Variants in INTS3 observed in about 807,000 individuals in gnomAD.
INTS3 encodes the protein SOSS complex subunit A.
Under a neutral mutation model 146.3 loss-of-function variants are expected in INTS3, and 34 were observed. That is an observed-to-expected ratio of 0.23 (90% confidence interval 0.18 to 0.31). INTS3 has a LOEUF of 0.31. Ranked by LOEUF, INTS3 falls within the 10% of genes least tolerant of loss-of-function variation. The pLI is 1.00. For synonymous variants in INTS3, 475 were observed against 494.9 expected, an observed-to-expected ratio of 0.96 and a Z score of 0.53; for missense variants, 757 against 1,304.2, an observed-to-expected ratio of 0.58 and a Z score of 6.46.
At chr1:153,759,720 G>A in intron 11 of INTS3, 107 bp downstream of exon 11, 1 of 730,608 alleles carries the variant, frequency 1.4e-6, no homozygotes, top group Non-Finnish European at 2.4e-6. Flanking sequence ...AGTGGAGGCA[G>A]TTTATCTGGG....
At chr1:153,751,018 C>T in intron 6 of INTS3, 77 bp from the exon 7 acceptor site, 1 of 1,472,086 alleles carries the variant, frequency 6.8e-7, no homozygotes, top group Non-Finnish European at 9.3e-7. Context: ...GCACTGTAGC[C>T]AAGCCCAAGA....
In INTS3 at chr1:153,772,676, T is replaced by C. The variant is rs370436284; in HGVS notation, c.2859T>C (p.His953=). The change falls in exon 28 of 30, where the codon CAT becomes CAC. Residue 953 remains histidine (H), a synonymous_variant. Coordinates refer to ENST00000318967, the MANE Select transcript of INTS3 (RefSeq NM_023015.5). The surrounding 1 kb of genome is among the most constrained non-coding windows in gnomAD (Gnocchi z 4.6). ...CGCCAATTCTCCAGGCGCTGCAGCATGTCCAAGCGAGCTGTGACGAAGCCC... is the reference window on the plus strand; with the variant it reads ...CGCCAATTCTCCAGGCGCTGCAGCACGTCCAAGCGAGCTGTGACGAAGCCC... The part of the protein sequence containing the change: ...SQTPILQALQ[H]VQASCDEAHK... The C allele has an allele frequency of 1.9e-6, 3 of 1,614,214 alleles. No individual in the cohort carries two copies. The highest frequency in any genetic ancestry group is 2.2e-5 in the East Asian group (1 of 44,882).
intron 3 of INTS3, among the ~76,000 whole-genome samples, chr1:153,743,258 A>C (rs899470965): frequency 2.0e-5 from 3 of 152,210 alleles, no homozygotes; most frequent in Admixed American, 6.5e-5. Flanking sequence ...CTGTTTTCTA[A>C]GGATTTGTAT....
chr1:153,741,417 G>A lies in INTS3; in HGVS notation c.318+49G>A, dbSNP rs541853297. 8 of 1,326,400 alleles carry A rather than the reference G, an allele frequency of 6.0e-6. No homozygotes were observed. The East Asian group carries it at 1.6e-4, about 27-fold the overall frequency. 82.2% of individuals were successfully genotyped at this position (1,326,400 alleles called of 1,614,324 possible). Reference sequence around the variant, plus strand: ...ATAAACCCTCCTCATATATGATCTGGGATATGGTGGAACTTACAGTTTAAC... The same window carrying A: ...ATAAACCCTCCTCATATATGATCTGAGATATGGTGGAACTTACAGTTTAAC... On this transcript the variant is annotated intron_variant, in intron 3 of 29. Transcript: ENST00000318967.
In INTS3 at chr1:153,750,994, C is replaced by T. The variant is rs16835535; in HGVS notation, c.585-101C>T. 7,176 of 1,207,114 alleles carry T rather than the reference C, an allele frequency of 5.9e-3. 355 individuals are homozygous for T. The African/African-American group carries it at 0.099, about 17-fold the overall frequency. The allele number at this position is 1,207,114 out of a possible 1,614,324, so 74.8% of individuals were successfully genotyped here. ...GCATCTACTCCCAGTGTCAAATCATCAATTATTTCTGAGGCACTGTAGCCA... is the reference window on the plus strand; with the variant it reads ...GCATCTACTCCCAGTGTCAAATCATTAATTATTTCTGAGGCACTGTAGCCA... On this transcript the variant is annotated intron_variant, in intron 6 of 29. Coordinates refer to ENST00000318967, the MANE Select transcript of INTS3 (RefSeq NM_023015.5).
chr1:153,745,863 G>T (rs1204001480), intron 3 of INTS3, among the ~76,000 whole-genome samples: 1 of 152,160 alleles, frequency 6.6e-6, no homozygotes, highest in African/African-American at 2.4e-5. Context: ...TCCAGCTACT[G>T]AGGAGGCCGA....
chr1:153,754,569 G>T (rs1672090806), intron 8 of INTS3, 73 bp from the exon 9 acceptor site: 1 of 1,062,012 alleles, frequency 9.4e-7, no homozygotes, highest in Non-Finnish European at 1.5e-6. Context: ...CCTGGCCCAG[G>T]TTCCCAACAT....
chr1:153,736,376 C>T (rs868119619), intron 1 of INTS3, among the ~76,000 whole-genome samples: 5 of 152,110 alleles, frequency 3.3e-5, no homozygotes, highest in Non-Finnish European at 5.9e-5. Context: ...CTCTGTGCCA[C>T]CTTATGCTCT....
rs770899900 is a variant in INTS3 at position 153,751,250 on chromosome 1, A to G, written c.729+11A>G. ...CTGCTTCGGGAACGGGTGAGGGAAC[A>G]GGACAAAAATAATGTGGGGAAGTGA... On this transcript the variant is annotated intron_variant, in intron 7 of 29. Coordinates refer to ENST00000318967, the MANE Select transcript of INTS3 (RefSeq NM_023015.5). 1 of 1,613,850 alleles carries G rather than the reference A, an allele frequency of 6.2e-7. No homozygotes were observed. Among genetic ancestry groups the G allele is most frequent in the South Asian group, 1.1e-5 (1 of 91,068 alleles).
chr1:153,760,651 G>T, intron 12 of INTS3, 176 bp from the exon 13 acceptor site: 1 of 642,820 alleles, frequency 1.6e-6, no homozygotes, highest in East Asian at 2.7e-5. Flanking sequence ...GAGCAGCCAG[G>T]TCCAGTAAGA....
At chr1:153,734,243 G>A (rs926990688) in intron 1 of INTS3, among the ~76,000 whole-genome samples, 1 of 152,178 alleles carries the variant, frequency 6.6e-6, no homozygotes, top group African/African-American at 2.4e-5. Flanking sequence ...AAGAGACTCT[G>A]GAGACTAGGG....
At chr1:153,746,735 C>A in intron 3 of INTS3, 2 of 514,780 alleles carry the variant, frequency 3.9e-6, no homozygotes, top group Non-Finnish European at 6.9e-6. Flanking sequence ...TAAAGGATAA[C>A]CAGTACCTTT....
chr1:153,751,686 A>C (rs1161197638), intron 7 of INTS3, among the ~76,000 whole-genome samples: 3 of 152,130 alleles, frequency 2.0e-5, no homozygotes, highest in African/African-American at 7.2e-5. Context: ...GCTGATCTCA[A>C]ACTCCTGGCC....
At chr1:153,758,702 G>A (rs1206710865) in intron 10 of INTS3, among the ~76,000 whole-genome samples, 1 of 151,816 alleles carries the variant, frequency 6.6e-6, no homozygotes, top group African/African-American at 2.4e-5. Context: ...CCAGGCTGAG[G>A]TGAGAGGACC....
In INTS3 at chr1:153,763,906, C is replaced by T. The variant is rs566472214; in HGVS notation, c.1821+20C>T. ...CTGGAGGTGAGGAGGAACCCAATCC[C>T]TTAGGGAGGAAGCAGCCTAGCCTGC... On this transcript the variant is annotated intron_variant, in intron 17 of 29. Coordinates refer to ENST00000318967, the MANE Select transcript of INTS3 (RefSeq NM_023015.5). 3 of 1,611,086 alleles carry T rather than the reference C, an allele frequency of 1.9e-6. No individual in the cohort carries two copies. The African/African-American group carries it at 4.0e-5, about 21-fold the overall frequency.
chr1:153,738,636 A>G (rs1269953169), intron 1 of INTS3, among the ~76,000 whole-genome samples: 2 of 152,194 alleles, frequency 1.3e-5, no homozygotes, highest in Non-Finnish European at 2.9e-5. Flanking sequence ...AGTGATTATT[A>G]TATTCCTTTT....
intron 2 of INTS3, 86 bp downstream of exon 2, chr1:153,740,820 G>T: frequency 1.9e-6 from 2 of 1,063,344 alleles, no homozygotes; most frequent in Non-Finnish European, 2.9e-6. Flanking sequence ...CTAAGTGGTT[G>T]GGGGTAGGGG....
chr1:153,747,505 C>A (rs919625078), intron 5 of INTS3, 142 bp downstream of exon 5: 4 of 678,494 alleles, frequency 5.9e-6, no homozygotes, highest in Middle Eastern at 3.2e-4. Flanking sequence ...CATCTTCTGG[C>A]CACATATGTT....
intron 3 of INTS3, among the ~76,000 whole-genome samples, chr1:153,743,521 A>G (rs749646767): frequency 2.6e-5 from 4 of 152,196 alleles, no homozygotes; most frequent in Non-Finnish European, 5.9e-5. Flanking sequence ...TGAACAGGTG[A>G]ACAAGAGAAT....
Sources: gnomAD v4.1 joint callset for allele counts (sites outside exome capture counted in the v4.1 genomes callset) on GRCh38, gnomAD v4.1.1 for gene constraint, Gnocchi (gnomAD v3.1) non-coding constraint, MANE v1.5 for transcripts, NCBI Gene and HGNC (gene_info 2026-07-23, HGNC 2026-07-21) for gene names.